The following MSH3 variants were observed in gnomAD, a reference collection of about 807,000 sequenced individuals.
The protein encoded by MSH3 is mutS homolog 3.
A neutral mutation model predicts 123.3 loss-of-function variants in MSH3; 106 were observed. The ratio of observed to expected loss-of-function variants is 0.86; its 90% CI spans 0.73 to 1.01. MSH3 has a LOEUF of 1.01. MSH3 is among the 50% of genes least tolerant of loss of function. The probability of loss-of-function intolerance (pLI) is 0.00; values close to 1 mark genes in which losing one functional copy is unlikely to be tolerated. For missense variants in MSH3, 1,459 were observed against 1,347.6 expected (o/e 1.08, Z -1.29); for synonymous variants, 515 against 481.4 (o/e 1.07, Z -0.91).
At chr5:80,674,696 A>T (rs1749797109) in intron 6 of MSH3, among the ~76,000 whole-genome samples, 1 of 152,226 alleles carries the variant, frequency 6.6e-6, no homozygotes, top group Non-Finnish European at 1.5e-5. Flanking sequence ...CAAAGGGCAG[A>T]AGTACTGTGT....
chr5:80,749,245 C>T lies in MSH3; in HGVS notation c.1763+4630C>T, dbSNP rs1005605128. 7.2e-5 allele frequency among the ~76,000 whole-genome samples: 11 copies of T among 152,180 alleles called. 1 individual carries two copies. Among genetic ancestry groups the T allele is most frequent in the Middle Eastern group, 3.2e-3 (1 of 316 alleles). On this transcript the variant is annotated intron_variant, in intron 12 of 23. Coordinates refer to ENST00000265081, the MANE Select transcript of MSH3 (RefSeq NM_002439.5). The stretch of plus-strand genomic sequence containing the variant: ...AAAACCTCAAAAGTAGGGAAGCCAA[C>T]AGTGCAGCCTTCAGTTTGTCGCCAA...
At chr5:80,793,685 A>G (rs148768818) in intron 19 of MSH3, among the ~76,000 whole-genome samples, 1 of 152,342 alleles carries the variant, frequency 6.6e-6, no homozygotes, top group African/African-American at 2.4e-5. Context: ...GATGATGAGT[A>G]AGGTTGGAGT....
chr5:80,685,996 AT>A (rs1340998562), intron 8 of MSH3, among the ~76,000 whole-genome samples: 1 of 152,046 alleles, frequency 6.6e-6, no homozygotes, highest in Non-Finnish European at 1.5e-5. Flanking sequence ...GTTTTATTTC[AT>A]TGTGGTCAGA....
At chr5:80,775,620 C>T (rs894018866) in intron 15 of MSH3, 74 bp from the exon 16 acceptor site, 2 of 860,604 alleles carry the variant, frequency 2.3e-6, no homozygotes, top group African/African-American at 3.4e-5. Context: ...AATTGTTATA[C>T]CACAATTTGG....
chr5:80,832,330 G>A (rs965684095), intron 20 of MSH3, among the ~76,000 whole-genome samples: 22 of 152,062 alleles, frequency 1.4e-4, no homozygotes, highest in African/African-American at 5.1e-4. Flanking sequence ...AAAAAGTTCT[G>A]CAAATGGAGG....
At chr5:80,713,058 G>A (rs1750889423) in intron 8 of MSH3, among the ~76,000 whole-genome samples, 1 of 152,146 alleles carries the variant, frequency 6.6e-6, no homozygotes, top group African/African-American at 2.4e-5. Context: ...GGCCTTGTAA[G>A]TTTTCCCAGA....
intron 22 of MSH3, among the ~76,000 whole-genome samples, chr5:80,868,240 C>G (rs1381001660): frequency 6.6e-6 from 1 of 152,046 alleles, no homozygotes; most frequent in African/African-American, 2.4e-5. Flanking sequence ...GACAGAATTA[C>G]CATTCAACCC....
Position 80,767,699 on chromosome 5 carries a change from A to G in MSH3, c.1897-234A>G, listed in dbSNP as rs548029019. ...TATGTTATTTTAAAAATGAAAAAATACTAAACAAGTATTGGCTTTGTTTTC... is the reference window on the plus strand; with the variant it reads ...TATGTTATTTTAAAAATGAAAAAATGCTAAACAAGTATTGGCTTTGTTTTC... On this transcript the variant is annotated intron_variant, in intron 13 of 23. Coordinates refer to ENST00000265081, the MANE Select transcript of MSH3 (RefSeq NM_002439.5). Among the ~76,000 whole-genome samples, 4 of 152,274 alleles carry G rather than the reference A, an allele frequency of 2.6e-5. No individual in the cohort carries two copies. In the East Asian group the frequency reaches 7.7e-4, roughly 29 times the overall value.
chr5:80,659,642 T>G (rs1224993062), intron 2 of MSH3, among the ~76,000 whole-genome samples: 5 of 152,200 alleles, frequency 3.3e-5, no homozygotes, highest in African/African-American at 1.2e-4. Context: ...TAACATAAAA[T>G]TTATCATCCT....
In MSH3 at chr5:80,725,569, A is replaced by T. The variant is rs780101500; in HGVS notation, c.1453+4A>T. The T allele has an allele frequency of 6.3e-7, 1 of 1,598,916 alleles. No individual in the cohort carries two copies. Among genetic ancestry groups the T allele is most frequent in the South Asian group, 1.1e-5 (1 of 90,760 alleles). On this transcript the variant is annotated splice_donor_region_variant and intron_variant, in intron 9 of 23. Transcript: ENST00000265081. ...AAAGATACAGTTGACATCAAAGGTA[A>T]ATATTTTCCCTGTATGTCCTCAAGT...
intron 17 of MSH3, among the ~76,000 whole-genome samples, chr5:80,784,181 G>A (rs188726397): frequency 0.018 from 2,221 of 121,392 alleles, 29 homozygotes; most frequent in Non-Finnish European, 0.025. Context: ...CTACACTCCA[G>A]CCTCGGCGAA....
chr5:80,865,710 C>A (rs1387477146), intron 22 of MSH3, among the ~76,000 whole-genome samples: 1 of 151,996 alleles, frequency 6.6e-6, no homozygotes, highest in African/African-American at 2.4e-5. Flanking sequence ...AGCCTGTAGT[C>A]CTGTGGTGGT....
intron 23 of MSH3, 49 bp downstream of exon 23, chr5:80,873,336 G>C (rs1349630369): frequency 6.3e-7 from 1 of 1,597,372 alleles, no homozygotes; most frequent in Admixed American, 1.7e-5. Context: ...AACCTTCTAA[G>C]TTGTCCAAGA....
intron 8 of MSH3, among the ~76,000 whole-genome samples, chr5:80,703,755 A>G (rs144963884): frequency 2.0e-5 from 3 of 152,276 alleles, no homozygotes; most frequent in Non-Finnish European, 4.4e-5. Context: ...CCTGTATACT[A>G]AAGTAGTCCT....
At chr5:80,820,494 C>T (rs1349554614) in intron 20 of MSH3, among the ~76,000 whole-genome samples, 1 of 152,004 alleles carries the variant, frequency 6.6e-6, no homozygotes, top group African/African-American at 2.4e-5. Context: ...GCTTGTTCTG[C>T]ACACCTTTTA....
intron 10 of MSH3, among the ~76,000 whole-genome samples, chr5:80,737,989 AACAC>A (rs1743543512): frequency 6.6e-6 from 1 of 152,220 alleles, no homozygotes; most frequent in African/African-American, 2.4e-5. Flanking sequence ...AAAAAACAAA[AACAC>A]ACACAGCAAA....
At chr5:80,731,096 G>A (rs1376203375) in intron 10 of MSH3, among the ~76,000 whole-genome samples, 1 of 151,584 alleles carries the variant, frequency 6.6e-6, no homozygotes, top group East Asian at 1.9e-4. Context: ...TAGAGACAGG[G>A]TTTCACCATG....
At chr5:80,803,913 CTG>C (rs1744837842) in intron 19 of MSH3, among the ~76,000 whole-genome samples, 1 of 152,084 alleles carries the variant, frequency 6.6e-6, no homozygotes, top group Non-Finnish European at 1.5e-5. Flanking sequence ...TCATTGGTCT[CTG>C]TGTCTGTTTT....
Position 80,654,994 on chromosome 5 carries a change from A to T in MSH3, c.237+30A>T, listed in dbSNP as rs952495872. 3 of 1,329,622 alleles carry T rather than the reference A, an allele frequency of 2.3e-6. No homozygotes were observed. The highest frequency in any genetic ancestry group is 9.9e-7 in the Non-Finnish European group (1 of 1,008,244). The allele number at this position is 1,329,622 out of a possible 1,614,324, so 82.4% of individuals were successfully genotyped here. A position where few individuals can be genotyped will look rare whatever the true frequency, so the allele number is the denominator to read the frequency against. ...GTTCTGTCTGGGACTGGGCAGGGCC[A>T]TCGGGGCTGGGGGGGCGGGGCTTGT... On this transcript the variant is annotated intron_variant, in intron 1 of 23. Coordinates refer to ENST00000265081, the MANE Select transcript of MSH3 (RefSeq NM_002439.5).
Sources: allele counts gnomAD v4.1 joint callset (sites outside exome capture counted in the v4.1 genomes callset), GRCh38; gene constraint gnomAD v4.1.1; transcripts MANE v1.5; gene names NCBI Gene and HGNC (gene_info 2026-07-23, HGNC 2026-07-21).